The following DLG2 variants were observed in gnomAD, a reference collection of about 807,000 sequenced individuals.
The protein encoded by DLG2 is discs large MAGUK scaffold protein 2.
A neutral mutation model predicts 132.5 loss-of-function variants in DLG2; 45 were observed. The observed-to-expected ratio is 0.34, with a 90% CI of 0.27 to 0.44. DLG2 has a LOEUF of 0.44. Ranked by LOEUF, DLG2 falls within the 20% of genes least tolerant of loss-of-function variation. The pLI, the probability that DLG2 is intolerant of heterozygous loss-of-function variation, is 1.00. For synonymous variants in DLG2, 424 were observed against 419.6 expected (o/e 1.01, Z -0.13); for missense variants, 1,045 against 1,196.9 (o/e 0.87, Z 1.87).
chr11:83,709,420 ACCACATTGTAAAGTTCAGCT>A (rs1285872055), intron 18 of DLG2, among the ~76,000 whole-genome samples: 5 of 151,494 alleles, frequency 3.3e-5, no homozygotes, highest in African/African-American at 1.2e-4. Context: ...TTAAGCAAGA[ACCACATTGTAAAGTTCAGCT>A]CCACCTTAGT....
intron 6 of DLG2, among the ~76,000 whole-genome samples, chr11:84,928,062 A>T (rs946307542): frequency 1.3e-5 from 2 of 151,970 alleles, no homozygotes; most frequent in African/African-American, 4.8e-5. Context: ...TCAACTCCAG[A>T]GCACAGGTAT....
intron 10 of DLG2, among the ~76,000 whole-genome samples, chr11:84,079,116 C>G (rs2096868026): frequency 6.6e-6 from 1 of 152,156 alleles, no homozygotes; most frequent in African/African-American, 2.4e-5. Context: ...AGGAATACCA[C>G]TTCCCTTTGC....
chr11:83,739,159 T>A (rs1051075875), intron 18 of DLG2, among the ~76,000 whole-genome samples: 1 of 152,176 alleles, frequency 6.6e-6, no homozygotes, highest in African/African-American at 2.4e-5. Flanking sequence ...ATTCAAATTA[T>A]CTTAACTGGA....
At chr11:84,979,045 A>G (rs548979690) in intron 6 of DLG2, among the ~76,000 whole-genome samples, 26 of 152,370 alleles carry the variant, frequency 1.7e-4, no homozygotes, top group African/African-American at 6.3e-4. Context: ...TGCAGCCAAC[A>G]GACACATGAA....
intron 6 of DLG2, among the ~76,000 whole-genome samples, chr11:84,725,676 T>A (rs775008891): frequency 2.0e-5 from 3 of 152,132 alleles, no homozygotes; most frequent in African/African-American, 4.8e-5. Flanking sequence ...GATTGACCAA[T>A]CTAGTTAACT....
intron 7 of DLG2, among the ~76,000 whole-genome samples, chr11:84,436,256 AGAG>A (rs1309708086): frequency 1.3e-5 from 2 of 152,312 alleles, no homozygotes; most frequent in Non-Finnish European, 2.9e-5. Context: ...GGACATTATA[AGAG>A]GCTCTAAAGT....
At chr11:85,047,540 T>C (rs929077717) in intron 6 of DLG2, among the ~76,000 whole-genome samples, 4 of 151,832 alleles carry the variant, frequency 2.6e-5, no homozygotes, top group Non-Finnish European at 5.9e-5. Context: ...TGTGGGCCAT[T>C]TCTTAGCTGT....
At chr11:85,498,487 T>G (rs747195924) in intron 3 of DLG2, among the ~76,000 whole-genome samples, 1 of 152,162 alleles carries the variant, frequency 6.6e-6, no homozygotes, top group Non-Finnish European at 1.5e-5. Context: ...AATGGGAGAC[T>G]TTAACACCCC....
At chr11:83,988,937 G>C (rs2093531582) in intron 11 of DLG2, among the ~76,000 whole-genome samples, 1 of 128,558 alleles carries the variant, frequency 7.8e-6, no homozygotes, top group Non-Finnish European at 1.6e-5. Flanking sequence ...CTGTCTCCTT[G>C]GTGAAAACAT....
intron 6 of DLG2, among the ~76,000 whole-genome samples, chr11:84,855,185 C>A (rs532012434): frequency 1.6e-4 from 25 of 152,104 alleles, no homozygotes; most frequent in African/African-American, 6.0e-4. Flanking sequence ...CTGGCATAAA[C>A]AGATAATTTG....
intron 6 of DLG2, among the ~76,000 whole-genome samples, chr11:84,626,847 ATATTTTATTTTATTT>A (rs1555110160): frequency 6.9e-5 from 10 of 144,110 alleles, no homozygotes; most frequent in East Asian, 4.1e-4. Context: ...CATCAATTAC[ATATTTTATTTTATTT>A]TATTTTATTT....
chr11:84,725,016 G>T (rs1389530671), intron 6 of DLG2, among the ~76,000 whole-genome samples: 2 of 152,140 alleles, frequency 1.3e-5, no homozygotes, highest in South Asian at 4.1e-4. Context: ...GCTAAGGAAT[G>T]TCATGTGGTC....
At chr11:84,037,662 G>C (rs538978426) in intron 11 of DLG2, among the ~76,000 whole-genome samples, 1 of 152,166 alleles carries the variant, frequency 6.6e-6, no homozygotes, top group Non-Finnish European at 1.5e-5. Flanking sequence ...CTGGCTTATG[G>C]TGGTAGATAC....
At chr11:85,011,325 C>T (rs2059131451) in intron 6 of DLG2, among the ~76,000 whole-genome samples, 1 of 152,122 alleles carries the variant, frequency 6.6e-6, no homozygotes, top group Non-Finnish European at 1.5e-5. Context: ...ACCCATTTTC[C>T]TCATTTTCTC....
At chr11:85,272,518 G>A (rs938298990) in intron 4 of DLG2, among the ~76,000 whole-genome samples, 1 of 152,076 alleles carries the variant, frequency 6.6e-6, no homozygotes, top group Non-Finnish European at 1.5e-5. Context: ...TTGCTCTTAA[G>A]GCCTTCAACT....
At chr11:84,866,431 A>C (rs868250373) in intron 6 of DLG2, among the ~76,000 whole-genome samples, 5 of 152,196 alleles carry the variant, frequency 3.3e-5, no homozygotes, top group Non-Finnish European at 5.9e-5. Context: ...GGTACAAGCA[A>C]TGTTACACTG....
At chr11:85,366,550 T>C (rs944735905) in intron 3 of DLG2, among the ~76,000 whole-genome samples, 2 of 152,174 alleles carry the variant, frequency 1.3e-5, no homozygotes, top group Non-Finnish European at 2.9e-5. Context: ...ACATTGCATA[T>C]TTAAAAACCA....
chr11:84,335,285 A>G (rs2098479152), intron 7 of DLG2, among the ~76,000 whole-genome samples: 1 of 151,846 alleles, frequency 6.6e-6, no homozygotes, highest in Admixed American at 6.6e-5. Context: ...AGGGAGGAAA[A>G]GGTAGACAAC....
At chr11:83,856,773 G>A (rs1286384521) in intron 16 of DLG2, among the ~76,000 whole-genome samples, 2 of 152,094 alleles carry the variant, frequency 1.3e-5, no homozygotes, top group African/African-American at 2.4e-5. Flanking sequence ...AATTCTGTAG[G>A]TGGTCAGTTT....
Sources: allele counts gnomAD v4.1 joint callset (sites outside exome capture counted in the v4.1 genomes callset), GRCh38; gene constraint gnomAD v4.1.1; transcripts MANE v1.5; gene names NCBI Gene and HGNC (gene_info 2026-07-23, HGNC 2026-07-21).